PTPRN2: variants seen among roughly 807,000 people sequenced by gnomAD.
The protein encoded by PTPRN2 is receptor-type tyrosine-protein phosphatase N2.
Under a neutral mutation model 118.8 loss-of-function variants are expected in PTPRN2, and 74 were observed. The observed-to-expected ratio is 0.62, with a 90% CI of 0.52 to 0.76. The LOEUF is 0.76. Among genes scored for constraint, PTPRN2 ranks in the 30% least tolerant of loss-of-function variants. PTPRN2 has a pLI of 0.00. For synonymous variants in PTPRN2, 641 were observed against 608.0 expected, an observed-to-expected ratio of 1.05 and a Z score of -0.80; for missense variants, 1,481 against 1,394.4, an observed-to-expected ratio of 1.06 and a Z score of -0.99.
chr7:158,541,352 T>C, intron 1 of PTPRN2: 3 of 1,158,780 alleles, frequency 2.6e-6, no homozygotes, highest in Non-Finnish European at 3.5e-6. Flanking sequence ...TCCTGAGCCC[T>C]ACAAACCTAA....
chr7:158,262,543 TCACACACTG>T (rs988474207), intron 3 of PTPRN2, among the ~76,000 whole-genome samples: 28 of 110,244 alleles, frequency 2.5e-4, no homozygotes, highest in Non-Finnish European at 5.0e-4. Flanking sequence ...ATACACACAT[TCACACACTG>T]CACACACTAC....
intron 1 of PTPRN2, among the ~76,000 whole-genome samples, chr7:158,578,355 A>G: frequency 6.6e-6 from 1 of 150,696 alleles, no homozygotes; most frequent in Non-Finnish European, 1.5e-5. Context: ...TTGGGAGGAC[A>G]AGGAAGGAGG....
rs1806940036 is a variant in PTPRN2 at position 158,022,287 on chromosome 7, T to A, written c.1723+59011A>T. Reference sequence around the variant, plus strand: ...CATGATGACTCCGTTTCCTACACGGTTCCGAGCGTTTTCCATCCTTCCTGA... The same window carrying A: ...CATGATGACTCCGTTTCCTACACGGATCCGAGCGTTTTCCATCCTTCCTGA... On this transcript the variant is annotated intron_variant, in intron 11 of 22. Transcript: ENST00000389418. The surrounding 1 kb of genome is among the most constrained non-coding windows in gnomAD (Gnocchi z 4.6). 6.6e-6 allele frequency among the ~76,000 whole-genome samples: 1 copy of A among 152,162 alleles called. No homozygotes were observed. Among genetic ancestry groups the A allele is most frequent in the Admixed American group, 6.5e-5 (1 of 15,292 alleles).
At chr7:157,767,990 C>T (rs1004757275) in intron 12 of PTPRN2, among the ~76,000 whole-genome samples, 2 of 152,226 alleles carry the variant, frequency 1.3e-5, no homozygotes, top group Non-Finnish European at 2.9e-5. Flanking sequence ...CTGCTTATTG[C>T]TGACACCGAG....
At chr7:158,030,041 T>C (rs1215210011) in intron 11 of PTPRN2, 1 of 152,226 alleles carries the variant, frequency 6.6e-6, no homozygotes. Context: ...ATAACAATGA[T>C]AATTCTAATA....
chr7:158,083,720 G>A (rs1433127976), intron 10 of PTPRN2, among the ~76,000 whole-genome samples: 1 of 152,188 alleles, frequency 6.6e-6, no homozygotes, highest in African/African-American at 2.4e-5. Flanking sequence ...TGACACCCTC[G>A]GGGTACATCT....
intron 2 of PTPRN2, among the ~76,000 whole-genome samples, chr7:158,350,227 G>T (rs930792043): frequency 3.3e-5 from 5 of 152,150 alleles, no homozygotes; most frequent in Non-Finnish European, 7.4e-5. Context: ...GTTGCTGCCC[G>T]AGGAGAGATG....
chr7:157,576,011 T>G (rs1175215543), intron 19 of PTPRN2, among the ~76,000 whole-genome samples: 1 of 152,180 alleles, frequency 6.6e-6, no homozygotes, highest in East Asian at 1.9e-4. Context: ...CATTGTCAAT[T>G]TCTTCCTGTA....
intron 11 of PTPRN2, among the ~76,000 whole-genome samples, chr7:157,995,171 G>T (rs985745442): frequency 6.9e-6 from 1 of 145,418 alleles, no homozygotes; most frequent in Non-Finnish European, 1.5e-5. Flanking sequence ...TCAACGCCAC[G>T]TCCCCAGCTT....
chr7:157,848,965 C>G (rs1809076128), intron 12 of PTPRN2, among the ~76,000 whole-genome samples: 1 of 152,226 alleles, frequency 6.6e-6, no homozygotes, highest in Non-Finnish European at 1.5e-5. Context: ...ATGTCAGGCT[C>G]TCACTGCCCC....
chr7:157,641,718 G>T (rs1295653356), intron 14 of PTPRN2, among the ~76,000 whole-genome samples: 3 of 152,244 alleles, frequency 2.0e-5, no homozygotes, highest in East Asian at 1.9e-4. Flanking sequence ...GACAAGTCAG[G>T]ACCCACTCAG....
At chr7:158,284,828 T>A (rs1799665879) in intron 3 of PTPRN2, among the ~76,000 whole-genome samples, 1 of 152,244 alleles carries the variant, frequency 6.6e-6, no homozygotes, top group South Asian at 2.1e-4. Flanking sequence ...TATGTGTATC[T>A]ACCACATGCT....
At chr7:157,902,352 G>A (rs952741402) in intron 11 of PTPRN2, among the ~76,000 whole-genome samples, 12 of 152,102 alleles carry the variant, frequency 7.9e-5, no homozygotes, top group East Asian at 5.8e-4. Context: ...CCAGCCCCGC[G>A]GTGGCCTGGA....
chr7:157,678,588 C>T (rs1222879865), intron 13 of PTPRN2, among the ~76,000 whole-genome samples: 1 of 152,208 alleles, frequency 6.6e-6, no homozygotes, highest in Non-Finnish European at 1.5e-5. Context: ...ATTGCCACCA[C>T]ACTGTCACTG....
At chr7:158,203,845 A>G (rs900531412) in intron 4 of PTPRN2, among the ~76,000 whole-genome samples, 2 of 152,252 alleles carry the variant, frequency 1.3e-5, no homozygotes, top group Non-Finnish European at 2.9e-5. Flanking sequence ...TTTCCTACAG[A>G]AAAGTCTTAC....
At chr7:157,576,317 C>G (rs1279438728) in intron 19 of PTPRN2, among the ~76,000 whole-genome samples, 2 of 152,252 alleles carry the variant, frequency 1.3e-5, no homozygotes, top group African/African-American at 4.8e-5. Context: ...GTGGCACATA[C>G]ACTTTAGGCT....
At chr7:158,536,071 C>T (rs1349312979) in intron 1 of PTPRN2, among the ~76,000 whole-genome samples, 1 of 151,842 alleles carries the variant, frequency 6.6e-6, no homozygotes, top group Non-Finnish European at 1.5e-5. Flanking sequence ...CCAGCCCATA[C>T]CTTCCATTTA....
At chr7:158,239,178 C>T (rs909374862) in intron 3 of PTPRN2, among the ~76,000 whole-genome samples, 17 of 152,312 alleles carry the variant, frequency 1.1e-4, no homozygotes, top group African/African-American at 3.6e-4. Context: ...TGTTCCTCTG[C>T]GCCTTTTCCA....
rs149156440 is a variant in PTPRN2 at position 157,881,268 on chromosome 7, G to A, written c.1788+17405C>T. ...GTCATGATGGTATGTGGAGATGGGG[G>A]TGTTTACAGGAGTCATTACAGTAAA... On this transcript the variant is annotated intron_variant, in intron 12 of 22. Coordinates refer to ENST00000389418, the MANE Select transcript of PTPRN2 (RefSeq NM_002847.5). This position sits in a 1 kb window ranked among gnomAD's most constrained non-coding sequence, Gnocchi z 4.7. Among the ~76,000 whole-genome samples the A allele has an allele frequency of 1.3e-5, 2 of 152,014 alleles. No individual in the cohort carries two copies. The highest frequency in any genetic ancestry group is 2.9e-5 in the Non-Finnish European group (2 of 67,982).
Sources: gnomAD v4.1 joint callset for allele counts (sites outside exome capture counted in the v4.1 genomes callset) on GRCh38, gnomAD v4.1.1 for gene constraint, Gnocchi (gnomAD v3.1) non-coding constraint, MANE v1.5 for transcripts, NCBI Gene and HGNC (gene_info 2026-07-23, HGNC 2026-07-21) for gene names.